The following NF1 variants were observed in gnomAD, a reference collection of about 807,000 sequenced individuals.
NF1 encodes neurofibromin 1.
A neutral mutation model predicts 325.7 loss-of-function variants in NF1; 122 were observed. The observed-to-expected ratio is 0.37, with a 90% CI of 0.32 to 0.44. NF1 has a LOEUF of 0.44. Ranked by LOEUF, NF1 falls within the 20% of genes least tolerant of loss-of-function variation. The pLI is 1.00. For missense variants in NF1, 2,140 were observed against 3,415.4 expected, an observed-to-expected ratio of 0.63 and a Z score of 9.31; for synonymous variants, 1,091 against 1,186.0, an observed-to-expected ratio of 0.92 and a Z score of 1.65.
chr17:31,360,563 T>C lies in NF1; in HGVS notation c.8237T>C (p.Ile2746Thr), dbSNP rs756800001. 4 of 1,614,156 alleles carry C rather than the reference T, an allele frequency of 2.5e-6. No homozygotes were observed. The highest frequency in any genetic ancestry group is 1.7e-6 in the Non-Finnish European group (2 of 1,180,022). The change falls in exon 57 of 58, where the codon ATT becomes ACT. Residue 2746 changes from isoleucine (I) to threonine (T), a missense_variant. Transcript: ENST00000358273. ...DALIDTYLPGIDEETSEESLL... is the reference protein window; with the variant it reads ...DALIDTYLPGTDEETSEESLL... Reference sequence around the variant, plus strand: ...TTGATTGACACGTACCTGCCTGGAATTGATGAAGAAACCAGTGAAGAATCC... The same window carrying C: ...TTGATTGACACGTACCTGCCTGGAACTGATGAAGAAACCAGTGAAGAATCC...
At chr17:31,343,510 A>C (rs2069884580) in intron 48 of NF1, among the ~76,000 whole-genome samples, 1 of 152,222 alleles carries the variant, frequency 6.6e-6, no homozygotes, top group Non-Finnish European at 1.5e-5. Context: ...ACACCACTGC[A>C]CTCAGCCCTA....
chr17:31,227,348 C>T (rs2151427176), intron 19 of NF1, 57 bp downstream of exon 19: 1 of 1,567,410 alleles, frequency 6.4e-7, no homozygotes, highest in East Asian at 2.2e-5. Context: ...ATTTGGAAGC[C>T]TCTTGTTACA....
At chr17:31,143,900 C>G (rs560753029) in intron 1 of NF1, among the ~76,000 whole-genome samples, 8 of 152,214 alleles carry the variant, frequency 5.3e-5, no homozygotes, top group African/African-American at 1.9e-4. Context: ...CGGCTCACTG[C>G]AAGCTCTGCC....
At chr17:31,160,268 A>G (rs752872220) in intron 3 of NF1, among the ~76,000 whole-genome samples, 7 of 151,934 alleles carry the variant, frequency 4.6e-5, no homozygotes, top group Non-Finnish European at 8.8e-5. Context: ...TTGTATTTTC[A>G]TAAGCCATGG....
chr17:31,223,481 A>G lies in NF1; in HGVS notation c.1759A>G (p.Ser587Gly), dbSNP rs1597708695. The change falls in exon 16 of 58, where the codon AGT becomes GGT. Residue 587 changes from serine to glycine, a missense_variant. This residue lies in a region of NF1 where 179 missense variants were observed against 381.0 expected (regional missense o/e 0.47). Transcript: ENST00000358273. ...TTTTTACATCTGCAAGAAATTAACT[A>G]GTCATCAAATGCTTAGTAGCACAGA... The part of the protein sequence containing the change: ...MLFYICKKLT[S>G]HQMLSSTEIL... 1 of 1,613,082 alleles carries G rather than the reference A, an allele frequency of 6.2e-7. No homozygotes were observed. Among genetic ancestry groups the G allele is most frequent in the Non-Finnish European group, 8.5e-7 (1 of 1,179,278 alleles).
chr17:31,106,413 GAAA>G (rs1489256254), intron 1 of NF1, among the ~76,000 whole-genome samples: 3 of 151,992 alleles, frequency 2.0e-5, no homozygotes, highest in Non-Finnish European at 4.4e-5. Context: ...CTCTACATGA[GAAA>G]AAAGTTACAG....
At chr17:31,152,268 A>G (rs1441682901) in intron 1 of NF1, among the ~76,000 whole-genome samples, 2 of 151,558 alleles carry the variant, frequency 1.3e-5, no homozygotes, top group Non-Finnish European at 2.9e-5. Flanking sequence ...ATGTTAAGGT[A>G]TTGGTCATTC....
chr17:31,200,952 G>A lies in NF1; in HGVS notation c.1063-85G>A, dbSNP rs2066516831. The A allele has an allele frequency of 1.9e-6, 3 of 1,573,694 alleles. No homozygotes were observed. The Admixed American group carries it at 5.0e-5, about 26-fold the overall frequency. On this transcript the variant is annotated intron_variant, in intron 9 of 57. Coordinates refer to ENST00000358273, the MANE Select transcript of NF1 (RefSeq NM_001042492.3). Reference sequence around the variant, plus strand: ...CTGGATTTTACTGCCATTTGTGTGGGTAATGTGTTGATGTTATTACATGTT... The same window carrying A: ...CTGGATTTTACTGCCATTTGTGTGGATAATGTGTTGATGTTATTACATGTT...
intron 9 of NF1, 65 bp from the exon 10 acceptor site, chr17:31,200,972 C>G (rs528041413): frequency 2.5e-6 from 4 of 1,604,422 alleles, no homozygotes; most frequent in Non-Finnish European, 3.4e-6. Context: ...GATGTTATTA[C>G]ATGTTAGTAA....
intron 46 of NF1, among the ~76,000 whole-genome samples, chr17:31,340,004 T>C (rs2069775575): frequency 1.3e-5 from 2 of 152,148 alleles, no homozygotes; most frequent in Admixed American, 1.3e-4. Flanking sequence ...TGGATAGACC[T>C]CATCTCACAT....
chr17:31,128,519 A>G (rs969432184), intron 1 of NF1: 2 of 152,094 alleles, frequency 1.3e-5, no homozygotes, highest in African/African-American at 2.4e-5. Context: ...TAGGTCTGGT[A>G]CTAACGAATT....
rs9913293 is a variant in NF1 at position 31,255,166 on chromosome 17, A to G, written c.4173+2166A>G. Among the ~76,000 whole-genome samples the G allele has an allele frequency of 7.6e-3, 1,162 of 152,320 alleles. 19 individuals are homozygous for G. The highest frequency in any genetic ancestry group is 0.027 in the African/African-American group (1,118 of 41,566). On this transcript the variant is annotated intron_variant, in intron 31 of 57. Transcript: ENST00000358273. Reference sequence around the variant, plus strand: ...CTCAGGGAGAATGCAGTAACTAAGCATATATGGGTAGTAATGCTCTTGCTG... The same window carrying G: ...CTCAGGGAGAATGCAGTAACTAAGCGTATATGGGTAGTAATGCTCTTGCTG...
At chr17:31,201,569 T>G (rs1454781804) in intron 11 of NF1, 84 bp downstream of exon 11, 1 of 1,005,726 alleles carries the variant, frequency 9.9e-7, no homozygotes, top group Non-Finnish European at 1.6e-6. Context: ...AAATGCACTC[T>G]TGGTTTTCAA....
chr17:31,214,372 TAATA>T (rs2066783339), intron 12 of NF1, 75 bp from the exon 13 acceptor site: 4 of 1,166,518 alleles, frequency 3.4e-6, no homozygotes, highest in East Asian at 4.8e-5. Context: ...AGGTTTTTAA[TAATA>T]AATTTCTTTT....
At chr17:31,097,177 G>C (rs1224158139) in intron 1 of NF1, among the ~76,000 whole-genome samples, 1 of 151,988 alleles carries the variant, frequency 6.6e-6, no homozygotes, top group Admixed American at 6.5e-5. Flanking sequence ...ATGATTTTGG[G>C]CTGGGCGCGG....
At chr17:31,096,064 T>A (rs565597525) in intron 1 of NF1, among the ~76,000 whole-genome samples, 9 of 152,052 alleles carry the variant, frequency 5.9e-5, no homozygotes, top group African/African-American at 1.4e-4. Flanking sequence ...CTTTTTTTTT[T>A]ATTGCCGTTT....
chr17:31,131,486 C>G (rs1309519835), intron 1 of NF1, among the ~76,000 whole-genome samples: 5 of 152,206 alleles, frequency 3.3e-5, no homozygotes, highest in African/African-American at 1.2e-4. Context: ...TGTGTCTTCC[C>G]TCTGTCAGCA....
intron 13 of NF1, among the ~76,000 whole-genome samples, chr17:31,218,013 T>C (rs2066852559): frequency 6.6e-6 from 1 of 152,130 alleles, no homozygotes; most frequent in African/African-American, 2.4e-5. Context: ...TACACTATAT[T>C]TTTCCACGAT....
At chr17:31,327,217 C>T (rs1269652243) in intron 37 of NF1, among the ~76,000 whole-genome samples, 1 of 152,144 alleles carries the variant, frequency 6.6e-6, no homozygotes, top group East Asian at 1.9e-4. Context: ...CCACCTCGGC[C>T]TCCCAAAGTG....
Sources: allele counts gnomAD v4.1 joint callset (sites outside exome capture counted in the v4.1 genomes callset), GRCh38; gene constraint gnomAD v4.1.1; regional missense constraint gnomAD v4.1.1; transcripts MANE v1.5; gene names NCBI Gene and HGNC (gene_info 2026-07-23, HGNC 2026-07-21).